CDC14B: variants seen among roughly 807,000 people sequenced by gnomAD.
CDC14B encodes the protein dual specificity protein phosphatase CDC14B.
In CDC14B, 22 loss-of-function variants were observed where a neutral mutation model predicts 64.2. That is an observed-to-expected ratio of 0.34 (90% confidence interval 0.24 to 0.49). The LOEUF (loss-of-function observed/expected upper bound fraction) is 0.49. CDC14B is among the 20% of genes least tolerant of loss of function. CDC14B has a pLI of 0.99. For missense variants in CDC14B, 498 were observed against 629.9 expected (o/e 0.79, Z 2.24); for synonymous variants, 191 against 215.8 (o/e 0.89, Z 1.01).
downstream of CDC14B, among the ~76,000 whole-genome samples, chr9:96,495,178 A>T (rs986053052): frequency 6.6e-6 from 1 of 152,112 alleles, no homozygotes; most frequent in South Asian, 2.1e-4. Flanking sequence ...AGAGGGCTGA[A>T]TTACATAACT....
rs1833662490 is a variant in CDC14B, at chr9:96,502,746, AG to A, written c.*1006del. On this transcript the variant is annotated 3_prime_UTR_variant, in exon 14 of 14. Transcript: ENST00000375241. ...ACCAAAGGCAACAGTGAGATCCAGA[AG>A]CAGATCATTGTCACTGAGATCGCAG... is the stretch of plus-strand genomic sequence containing the variant. 1 of 397,318 alleles carries A rather than the reference AG, an allele frequency of 2.5e-6. No homozygotes were observed. The highest frequency in any genetic ancestry group is 2.1e-5 in the African/African-American group (1 of 48,662). 24.6% of individuals were successfully genotyped at this position (397,318 alleles called of 1,614,324 possible). A position where few individuals can be genotyped will look rare whatever the true frequency, so the allele number is the denominator to read the frequency against.
At chr9:96,505,968 A>G (rs1335404536) in intron 13 of CDC14B, among the ~76,000 whole-genome samples, 4 of 152,208 alleles carry the variant, frequency 2.6e-5, no homozygotes, top group African/African-American at 9.7e-5. Context: ...CGTTTTTGAA[A>G]AAGTTCCCCA....
At chr9:96,530,653 A>ATTT (rs57789654) in intron 9 of CDC14B, among the ~76,000 whole-genome samples, 35 of 138,082 alleles carry the variant, frequency 2.5e-4, no homozygotes, top group African/African-American at 9.2e-4. Flanking sequence ...TCTAATTTCG[A>ATTT]TTTTTTTTTT....
At chr9:96,601,582 G>A (rs1200122017) in intron 1 of CDC14B, among the ~76,000 whole-genome samples, 3 of 149,544 alleles carry the variant, frequency 2.0e-5, no homozygotes, top group Non-Finnish European at 3.0e-5. Flanking sequence ...ATCACTTGAG[G>A]TCAGGAGTTT....
At chr9:96,494,409 A>G (rs895425785) in intron 13 of CDC14B, among the ~76,000 whole-genome samples, 1 of 152,228 alleles carries the variant, frequency 6.6e-6, no homozygotes, top group African/African-American at 2.4e-5. Context: ...GCAGCAGTGC[A>G]GAGGGCCCAC....
chr9:96,510,456 G>A (rs1440294368), intron 12 of CDC14B, among the ~76,000 whole-genome samples: 2 of 151,792 alleles, frequency 1.3e-5, no homozygotes, highest in African/African-American at 4.8e-5. Flanking sequence ...CCAGGAGGAA[G>A]CACACGATGA....
At chr9:96,531,151 C>T (rs776395059) in intron 9 of CDC14B, among the ~76,000 whole-genome samples, 23 of 152,134 alleles carry the variant, frequency 1.5e-4, no homozygotes, top group Non-Finnish European at 3.2e-4. Flanking sequence ...CAGGGTAATG[C>T]TGACCTTATT....
chr9:96,618,383 C>G (rs7041417), intron 1 of CDC14B: 8,631 of 447,410 alleles, frequency 0.019, 653 homozygotes, highest in African/African-American at 0.16. Flanking sequence ...TGCCTTCACA[C>G]GCGTCACTGT....
chr9:96,507,411 TTTTA>T (rs1834300936), intron 13 of CDC14B, among the ~76,000 whole-genome samples: 1 of 151,840 alleles, frequency 6.6e-6, no homozygotes, highest in African/African-American at 2.4e-5. Context: ...ACGATAGGCT[TTTTA>T]TTTGATTTTT....
At chr9:96,607,726 G>A (rs538319065) in intron 1 of CDC14B, among the ~76,000 whole-genome samples, 99 of 152,258 alleles carry the variant, frequency 6.5e-4, no homozygotes, top group African/African-American at 2.2e-3. Context: ...CCCGGCCAAT[G>A]TGATGTCTTC....
chr9:96,551,723 TCAGAAACAAC>T, intron 5 of CDC14B, 63 bp downstream of exon 5: 1 of 1,566,624 alleles, frequency 6.4e-7, no homozygotes, highest in Admixed American at 2.0e-5. Context: ...TCTTCTTTTT[TCAGAAACAAC>T]TATCAAGATA....
At chr9:96,533,874 A>G (rs1469348550) in intron 9 of CDC14B, 53 bp downstream of exon 9, 2 of 1,109,366 alleles carry the variant, frequency 1.8e-6, no homozygotes, top group Non-Finnish European at 2.5e-6. Flanking sequence ...CTGTTTCTAC[A>G]TATTCATATA....
intron 1 of CDC14B, among the ~76,000 whole-genome samples, chr9:96,571,703 TACA>T (rs1174305229): frequency 6.6e-6 from 1 of 152,154 alleles, no homozygotes; most frequent in East Asian, 1.9e-4. Flanking sequence ...TAAGTTTTGT[TACA>T]ACATCTTGTT....
rs202193145 is a variant in CDC14B at position 96,551,111 on chromosome 9, C to CTTTT, written c.497+681_497+684dup. Among the ~76,000 whole-genome samples, 292 of 93,284 alleles carry CTTTT rather than the reference C, an allele frequency of 3.1e-3. 20 individuals are homozygous for CTTTT. Among genetic ancestry groups the CTTTT allele is most frequent in the African/African-American group, 7.0e-3 (142 of 20,376 alleles). 61.2% of individuals were successfully genotyped at this position (93,284 alleles called of 152,430 possible). A position where few individuals can be genotyped will look rare whatever the true frequency, so the allele number is the denominator to read the frequency against. ...TACAAAGCCTAGGTTTTGGGGTTTGCTTTTTTTTTTTTTTTTTTTGAGACA... is the reference window on the plus strand; with the variant it reads ...TACAAAGCCTAGGTTTTGGGGTTTGCTTTTTTTTTTTTTTTTTTTTTTTGAGACA... On this transcript the variant is annotated intron_variant, in intron 5 of 13. Transcript: ENST00000375241.
At chr9:96,511,310 C>T (rs964609118) in intron 12 of CDC14B, among the ~76,000 whole-genome samples, 1 of 152,204 alleles carries the variant, frequency 6.6e-6, no homozygotes, top group Middle Eastern at 3.2e-3. Context: ...CGGTGGCTCA[C>T]ACCTGTAATC....
chr9:96,612,239 AACAC>A (rs1205939490), intron 1 of CDC14B, among the ~76,000 whole-genome samples: 1 of 152,204 alleles, frequency 6.6e-6, no homozygotes, highest in Non-Finnish European at 1.5e-5. Context: ...CAGACAGAGG[AACAC>A]ACTGCATTTC....
intron 1 of CDC14B, among the ~76,000 whole-genome samples, chr9:96,606,080 T>A (rs1250429144): frequency 4.6e-5 from 7 of 151,942 alleles, no homozygotes; most frequent in Middle Eastern, 3.2e-3. Flanking sequence ...ATGCCTGTAA[T>A]CCCAGCACTT....
chr9:96,573,888 C>T (rs1210712933), intron 1 of CDC14B, among the ~76,000 whole-genome samples: 3 of 152,154 alleles, frequency 2.0e-5, no homozygotes, highest in African/African-American at 7.2e-5. Context: ...TGGCTCATGC[C>T]TGTAATCCCA....
intron 4 of CDC14B, among the ~76,000 whole-genome samples, chr9:96,558,997 AAT>A (rs1842828349): frequency 6.6e-6 from 1 of 152,212 alleles, no homozygotes; most frequent in Non-Finnish European, 1.5e-5. Context: ...AATACTTTGA[AAT>A]ACAATAAAGA....
Sources: gnomAD v4.1 joint callset for allele counts (sites outside exome capture counted in the v4.1 genomes callset) on GRCh38, gnomAD v4.1.1 for gene constraint, MANE v1.5 for transcripts, NCBI Gene and HGNC (gene_info 2026-07-23, HGNC 2026-07-21) for gene names.